The following POFUT3 variants were observed in gnomAD, a reference collection of about 807,000 sequenced individuals.
POFUT3 encodes the protein GDP-fucose protein O-fucosyltransferase 3.
chr8:33,414,053 A>C, the POFUT3 span, among the ~76,000 whole-genome samples: 1 of 152,130 alleles, frequency 6.6e-6, no homozygotes, highest in Admixed American at 6.6e-5. Flanking sequence ...CCCTCAGTGC[A>C]GGGAAGGGCT....
At chr8:33,405,907 C>G in the POFUT3 span, among the ~76,000 whole-genome samples, 269 of 152,256 alleles carry the variant, frequency 1.8e-3, no homozygotes, top group Middle Eastern at 0.01. Flanking sequence ...ACTATGTTTA[C>G]TTTGTTTCCA....
the POFUT3 span, among the ~76,000 whole-genome samples, chr8:33,417,909 G>A: frequency 6.6e-6 from 1 of 152,072 alleles, no homozygotes; most frequent in Admixed American, 6.6e-5. Flanking sequence ...GAACCCCAGG[G>A]GTCCACATTC....
chr8:33,436,024 T>A, the POFUT3 span, among the ~76,000 whole-genome samples: 1 of 151,770 alleles, frequency 6.6e-6, no homozygotes, highest in Admixed American at 6.6e-5. Flanking sequence ...CCCACCACAG[T>A]TTCTGCACAC....
At chr8:33,428,854 T>C in the POFUT3 span, among the ~76,000 whole-genome samples, 1 of 152,172 alleles carries the variant, frequency 6.6e-6, no homozygotes, top group East Asian at 1.9e-4. Context: ...ATCTTAGATT[T>C]CCCAGCCCCC....
the POFUT3 span, chr8:33,461,508 C>T: frequency 3.1e-6 from 5 of 1,611,636 alleles, no homozygotes; most frequent in Middle Eastern, 4.9e-4. Flanking sequence ...GGTGTTCTCT[C>T]GTCAGCCCAG....
chr8:33,465,930 A>G, the POFUT3 span, among the ~76,000 whole-genome samples: 1 of 152,230 alleles, frequency 6.6e-6, no homozygotes, highest in Non-Finnish European at 1.5e-5. Flanking sequence ...ATACAATTTG[A>G]GGACAGAGTT....
chr8:33,351,577 T>C, the POFUT3 span, among the ~76,000 whole-genome samples: 1 of 152,154 alleles, frequency 6.6e-6, no homozygotes, highest in African/African-American at 2.4e-5. Flanking sequence ...CACCACTTCC[T>C]CTTCCACCAA....
the POFUT3 span, among the ~76,000 whole-genome samples, chr8:33,358,525 AT>A: frequency 2.0e-5 from 3 of 152,194 alleles, no homozygotes; most frequent in Admixed American, 6.5e-5. Context: ...TGTTCAATTT[AT>A]TAGGTGCAAT....
chr8:33,348,213 T>C, the POFUT3 span, among the ~76,000 whole-genome samples: 1 of 151,400 alleles, frequency 6.6e-6, no homozygotes, highest in Non-Finnish European at 1.5e-5. Context: ...AATGCCTCTG[T>C]TATTGCAGAT....
the POFUT3 span, among the ~76,000 whole-genome samples, chr8:33,349,052 C>T: frequency 1.3e-5 from 2 of 152,194 alleles, no homozygotes; most frequent in African/African-American, 4.8e-5. Flanking sequence ...TGGACTTGAC[C>T]TCGGAGGAGA....
chr8:33,356,370 G>A, the POFUT3 span, among the ~76,000 whole-genome samples: 1 of 152,192 alleles, frequency 6.6e-6, no homozygotes, highest in African/African-American at 2.4e-5. Flanking sequence ...CATTCTAACT[G>A]GTGTGAGATG....
At chr8:33,468,255 AAAG>A in the POFUT3 span, among the ~76,000 whole-genome samples, 71 of 131,296 alleles carry the variant, frequency 5.4e-4, 2 homozygotes, top group South Asian at 0.012. Context: ...AAAAAAAAAA[AAAG>A]AAGAAGAAGA....
the POFUT3 span, among the ~76,000 whole-genome samples, chr8:33,415,471 A>G: frequency 6.6e-6 from 1 of 152,096 alleles, no homozygotes; most frequent in East Asian, 1.9e-4. Flanking sequence ...ACTATGAAGG[A>G]GGGGTAGAGG....
the POFUT3 span, among the ~76,000 whole-genome samples, chr8:33,376,259 A>G: frequency 6.6e-6 from 1 of 152,182 alleles, no homozygotes; most frequent in Admixed American, 6.6e-5. Context: ...ATTATGTGTC[A>G]GGTTTATAAT....
At chr8:33,395,488 G>A in the POFUT3 span, among the ~76,000 whole-genome samples, 1 of 151,954 alleles carries the variant, frequency 6.6e-6, no homozygotes, top group African/African-American at 2.4e-5. Context: ...CCAAACTCCA[G>A]GGGAAGATCA....
chr8:33,434,428 G>A, the POFUT3 span, among the ~76,000 whole-genome samples: 1 of 152,074 alleles, frequency 6.6e-6, no homozygotes, highest in Non-Finnish European at 1.5e-5. Context: ...CCAAAGTGTG[G>A]AACAGAAAGG....
the POFUT3 span, among the ~76,000 whole-genome samples, chr8:33,357,967 C>G: frequency 6.6e-6 from 1 of 152,184 alleles, no homozygotes; most frequent in Non-Finnish European, 1.5e-5. Flanking sequence ...CAAGACAAGG[C>G]TGGGCACAGT....
At chr8:33,341,813 C>T in the POFUT3 span, among the ~76,000 whole-genome samples, 7 of 152,040 alleles carry the variant, frequency 4.6e-5, no homozygotes, top group African/African-American at 1.4e-4. Flanking sequence ...AATCCCAACA[C>T]TTTGGGGAGC....
chr8:33,390,533 C>T, the POFUT3 span, among the ~76,000 whole-genome samples: 3 of 121,324 alleles, frequency 2.5e-5, no homozygotes, highest in East Asian at 4.8e-4. Context: ...ACCAGGTCAG[C>T]AGGTTGATTA....
Sources: allele counts gnomAD v4.1 joint callset (sites outside exome capture counted in the v4.1 genomes callset), GRCh38; gene constraint gnomAD v4.1.1; transcripts MANE v1.5; gene names NCBI Gene and HGNC (gene_info 2026-07-23, HGNC 2026-07-21).